Variants in CFAP276 observed in about 807,000 individuals in gnomAD.
CFAP276 encodes the protein cilia- and flagella-associated protein 276.
At chr1:109,111,296 G>C in the CFAP276 span, among the ~76,000 whole-genome samples, 1 of 152,006 alleles carries the variant, frequency 6.6e-6, no homozygotes, top group Non-Finnish European at 1.5e-5. Flanking sequence ...GGAAGATCCT[G>C]GTTCTACAAA....
At chr1:109,106,497 C>CA in the CFAP276 span, 49 of 1,606,522 alleles carry the variant, frequency 3.1e-5, no homozygotes, top group Middle Eastern at 3.6e-4. Context: ...AAGACTCCCC[C>CA]ACTGCCCCAT....
the CFAP276 span, chr1:109,112,896 G>A: frequency 2.9e-5 from 19 of 652,278 alleles, no homozygotes; most frequent in East Asian, 5.7e-4. Flanking sequence ...GGGGACTGCA[G>A]AGGGAACGTT....
chr1:109,110,052 A>C, the CFAP276 span, among the ~76,000 whole-genome samples: 1 of 152,192 alleles, frequency 6.6e-6, no homozygotes, highest in East Asian at 1.9e-4. Context: ...TTTCACTGAG[A>C]AAGTCCAGAC....
chr1:109,109,372 C>T, the CFAP276 span, among the ~76,000 whole-genome samples: 1 of 150,918 alleles, frequency 6.6e-6, no homozygotes, highest in Non-Finnish European at 1.5e-5. Flanking sequence ...CGCTTGAACC[C>T]AGGAGGTGGA....
the CFAP276 span, among the ~76,000 whole-genome samples, chr1:109,112,981 A>AC: frequency 1.3e-5 from 2 of 152,174 alleles, no homozygotes; most frequent in Non-Finnish European, 2.9e-5. Context: ...CACCATCAGG[A>AC]CTTCTGCAAA....
chr1:109,113,703 C>T, the CFAP276 span: 2 of 1,613,714 alleles, frequency 1.2e-6, no homozygotes, highest in Non-Finnish European at 1.7e-6. Flanking sequence ...TCACACGCCA[C>T]GTGTGCAACA....
chr1:109,106,386 G>C, the CFAP276 span: 4 of 1,059,590 alleles, frequency 3.8e-6, no homozygotes, highest in South Asian at 6.5e-5. Context: ...TATTAATCTG[G>C]TACTTGCCAA....
chr1:109,112,429 G>C, the CFAP276 span, among the ~76,000 whole-genome samples: 1 of 152,190 alleles, frequency 6.6e-6, no homozygotes, highest in Non-Finnish European at 1.5e-5. Context: ...CCTCTGAAAC[G>C]TTAGCCGACT....
the CFAP276 span, among the ~76,000 whole-genome samples, chr1:109,106,292 T>G: frequency 6.6e-6 from 1 of 152,200 alleles, no homozygotes; most frequent in Non-Finnish European, 1.5e-5. Context: ...GCTGTAAATG[T>G]TTGTCTCCTA....
the CFAP276 span, chr1:109,112,680 G>A: frequency 6.5e-5 from 101 of 1,550,140 alleles, no homozygotes; most frequent in Non-Finnish European, 7.3e-5. Context: ...TGGGAGGCAT[G>A]GCTAAATGCC....
chr1:109,106,542 T>A, the CFAP276 span: 58 of 1,613,854 alleles, frequency 3.6e-5, no homozygotes, highest in Admixed American at 1.0e-4. Flanking sequence ...TACCTATGGA[T>A]CCTTGGATGC....
chr1:109,109,533 C>CTT, the CFAP276 span, among the ~76,000 whole-genome samples: 129 of 114,934 alleles, frequency 1.1e-3, 1 homozygote, highest in African/African-American at 1.6e-3. Context: ...TGAGCCATAC[C>CTT]TTTTTTTTTT....
At chr1:109,107,647 G>T in the CFAP276 span, among the ~76,000 whole-genome samples, 2 of 151,944 alleles carry the variant, frequency 1.3e-5, no homozygotes, top group South Asian at 4.2e-4. Flanking sequence ...CCAGCACTTC[G>T]GGAGGCTGAA....
At chr1:109,106,978 G>A in the CFAP276 span, 278 of 1,540,080 alleles carry the variant, frequency 1.8e-4, 3 homozygotes, top group South Asian at 2.5e-3. Flanking sequence ...GCATGTTTAG[G>A]CTGGAGAGGC....
At chr1:109,106,022 T>C in the CFAP276 span, 2 of 1,610,710 alleles carry the variant, frequency 1.2e-6, no homozygotes, top group Non-Finnish European at 1.7e-6. Flanking sequence ...CAGGGATCTG[T>C]CAACACTAGG....
the CFAP276 span, chr1:109,106,838 AT>A: frequency 1.8e-5 from 16 of 896,420 alleles, no homozygotes; most frequent in Non-Finnish European, 2.5e-5. Context: ...ATTTCTGTTC[AT>A]CTTAGACAGT....
chr1:109,107,143 C>G, the CFAP276 span: 9 of 1,593,656 alleles, frequency 5.6e-6, no homozygotes, highest in East Asian at 2.2e-5. Flanking sequence ...CAGTCCCCCC[C>G]AAGGTTAGCT....
the CFAP276 span, chr1:109,107,214 T>C: frequency 1.1e-6 from 1 of 912,018 alleles, no homozygotes; most frequent in Non-Finnish European, 1.8e-6. Context: ...CCCAAAAGTA[T>C]AGTGAAGGCT....
At chr1:109,107,329 C>G in the CFAP276 span, among the ~76,000 whole-genome samples, 2 of 152,304 alleles carry the variant, frequency 1.3e-5, no homozygotes, top group South Asian at 4.1e-4. Flanking sequence ...GAGTGGTGAG[C>G]TCTCACTGGA....
Sources: gnomAD v4.1 joint callset for allele counts (sites outside exome capture counted in the v4.1 genomes callset) on GRCh38, gnomAD v4.1.1 for gene constraint, MANE v1.5 for transcripts, NCBI Gene and HGNC (gene_info 2026-07-23, HGNC 2026-07-21) for gene names.